The following NCOA3 variants were observed in gnomAD, a reference collection of about 807,000 sequenced individuals.
NCOA3 encodes the protein CBP-interacting protein.
In NCOA3, 51 loss-of-function variants were observed where a neutral mutation model predicts 158.8. That is an observed-to-expected ratio of 0.32 (90% CI 0.26 to 0.41). The LOEUF is 0.41. NCOA3 is among the 10% of genes least tolerant of loss of function. The pLI is 1.00. For synonymous variants in NCOA3, 537 were observed against 592.4 expected (o/e 0.91, Z 1.36); for missense variants, 1,510 against 1,746.6 (o/e 0.86, Z 2.41).
chr20:47,522,460 A>C (rs1408766768), intron 1 of NCOA3, among the ~76,000 whole-genome samples: 1 of 149,948 alleles, frequency 6.7e-6, no homozygotes, highest in Non-Finnish European at 1.5e-5. Context: ...GGCAGAAAGA[A>C]AGGGAGAAGA....
intron 1 of NCOA3, among the ~76,000 whole-genome samples, chr20:47,577,914 A>G (rs1048397910): frequency 2.0e-5 from 3 of 152,194 alleles, no homozygotes; most frequent in Non-Finnish European, 2.9e-5. Flanking sequence ...TTTCTAGTAT[A>G]TATCACAAGA....
At chr20:47,542,011 T>TG in intron 1 of NCOA3, among the ~76,000 whole-genome samples, 1 of 104,830 alleles carries the variant, frequency 9.5e-6, no homozygotes, top group Non-Finnish European at 2.0e-5. Context: ...CCTGTAGAGT[T>TG]TTTTTTTTTT....
chr20:47,635,484 A>G lies in NCOA3; in HGVS notation c.1275A>G (p.Thr425=), dbSNP rs371534742. The change falls in exon 11 of 23, where the codon ACA becomes ACG. Residue 425 remains threonine (T), a synonymous_variant. Coordinates refer to ENST00000371998, the MANE Select transcript of NCOA3 (RefSeq NM_181659.3). ...RAYGLADPST[T]GQMSGARYGG... ...ATGGCTTGGCAGACCCTAGCACCAC[A>G]GGGCAGATGAGTGGAGCTAGGTATG... 6.2e-7 allele frequency: 1 copy of G among 1,614,052 alleles called. No individual in the cohort carries two copies. The highest frequency in any genetic ancestry group is 8.5e-7 in the Non-Finnish European group (1 of 1,179,994).
chr20:47,639,637 C>T lies in NCOA3; in HGVS notation c.2768C>T (p.Pro923Leu). The T allele has an allele frequency of 6.2e-7, 1 of 1,613,852 alleles. No individual in the cohort carries two copies. The highest frequency in any genetic ancestry group is 8.5e-7 in the Non-Finnish European group (1 of 1,179,856). Residue 923 changes from proline (P) to leucine (L), a missense_variant, in exon 15 of 23, where the codon CCA becomes CTA. Coordinates refer to ENST00000371998, the MANE Select transcript of NCOA3 (RefSeq NM_181659.3). ...CCTTCCTCAGGAGACTGGGGCTTAC[C>T]AAACTCAAAGGCCGGCAGAATGGAA... Reference protein sequence around the residue: ...QTPSSGDWGLPNSKAGRMEPM... With the variant: ...QTPSSGDWGLLNSKAGRMEPM...
chr20:47,633,062 T>C (rs1382816758), intron 8 of NCOA3, among the ~76,000 whole-genome samples: 6 of 152,210 alleles, frequency 3.9e-5, no homozygotes, highest in African/African-American at 1.4e-4. Context: ...ATGGAACTAC[T>C]AACAGAAAGT....
At chr20:47,519,314 C>T (rs1052166072) in intron 1 of NCOA3, among the ~76,000 whole-genome samples, 1 of 150,744 alleles carries the variant, frequency 6.6e-6, no homozygotes, top group Admixed American at 6.6e-5. Context: ...TGCCTGTAGT[C>T]CCAGTTACTC....
At chr20:47,591,437 G>T (rs2085638238) in intron 2 of NCOA3, among the ~76,000 whole-genome samples, 1 of 152,206 alleles carries the variant, frequency 6.6e-6, no homozygotes, top group South Asian at 2.1e-4. Context: ...TATAGCATAT[G>T]AGTCCTCAAG....
At chr20:47,600,540 A>G (rs1447018270) in intron 2 of NCOA3, among the ~76,000 whole-genome samples, 1 of 148,728 alleles carries the variant, frequency 6.7e-6, no homozygotes, top group Non-Finnish European at 1.5e-5. Context: ...GTTGGGGGAG[A>G]TGGAGTCTCA....
intron 1 of NCOA3, among the ~76,000 whole-genome samples, chr20:47,576,799 A>T (rs1227326782): frequency 6.6e-6 from 1 of 152,174 alleles, no homozygotes; most frequent in Non-Finnish European, 1.5e-5. Flanking sequence ...TTCTTGTGGA[A>T]CGCCTTCCAC....
intron 1 of NCOA3, among the ~76,000 whole-genome samples, chr20:47,526,020 C>T (rs929754358): frequency 4.0e-5 from 6 of 150,556 alleles, no homozygotes; most frequent in Non-Finnish European, 8.9e-5. Flanking sequence ...GGCTGCTGGG[C>T]GGAGGGGCTC....
rs186946069 is a variant in NCOA3 at position 47,511,093 on chromosome 20, G to A, written c.-99+9074G>A. Among the ~76,000 whole-genome samples the A allele has an allele frequency of 6.6e-4, 100 of 152,010 alleles. 1 individual carries two copies. Among genetic ancestry groups the A allele is most frequent in the African/African-American group, 2.3e-3 (94 of 41,450 alleles). ...CCTCCAAGTGTGCACAATCAATCAG[G>A]TACTCATATCACTTCAGTACAAGGC... On this transcript the variant is annotated intron_variant, in intron 1 of 22. Transcript: ENST00000371998.
chr20:47,636,517 A>G lies in NCOA3; in HGVS notation c.2131A>G (p.Ser711Gly). 6.2e-6 allele frequency: 10 copies of G among 1,614,234 alleles called. No individual in the cohort carries two copies. The highest frequency in any genetic ancestry group is 1.1e-5 in the South Asian group (1 of 91,084). Reference protein sequence around the residue: ...ITAEATGKDTSSITSCGDGNV... With the variant: ...ITAEATGKDTGSITSCGDGNV... The stretch of plus-strand genomic sequence containing the variant: ...TGCAGAAGCCACTGGGAAAGACACC[A>G]GCAGTATAACTTCTTGTGGGGACGG... Residue 711 changes from serine (S) to glycine (G), a missense_variant, in exon 12 of 23, where the codon AGC becomes GGC. By Grantham distance (56) the Ser-to-Gly change is moderately conservative. Coordinates refer to ENST00000371998, the MANE Select transcript of NCOA3 (RefSeq NM_181659.3).
Position 47,633,868 on chromosome 20 carries a change from G to GA in NCOA3, c.965-179dup. Reference sequence around the variant, plus strand: ...TGACTGTAGTTGCTCTCTTGTTGGTGAGGGGTAGGAAAATGATGCCTGAGT... The same window carrying GA: ...TGACTGTAGTTGCTCTCTTGTTGGTGAAGGGGTAGGAAAATGATGCCTGAGT... On this transcript the variant is annotated intron_variant, in intron 9 of 22. Transcript: ENST00000371998. The GA allele has an allele frequency of 1.5e-5, 13 of 841,880 alleles. No individual in the cohort carries two copies. In the South Asian group the frequency reaches 2.4e-4, roughly 15 times the overall value. The allele number at this position is 841,880 out of a possible 1,614,324, so 52.2% of individuals were successfully genotyped here.
rs748530158 is a variant in NCOA3, at chr20:47,651,057, G to A, written c.3727G>A (p.Val1243Met). The A allele has an allele frequency of 1.9e-6, 3 of 1,613,574 alleles. No homozygotes were observed. The Admixed American group carries it at 5.0e-5, about 27-fold the overall frequency. ...LLSHHFRQQR[V>M]AMMMQQQQQQ... ...AAGTCATCACTTCCGACAACAGAGG[G>A]TGGCTATGATGATGCAGCAGCAGCA... Residue 1243 changes from valine (V) to methionine (M), a missense_variant, in exon 20 of 23, where the codon GTG (valine) becomes ATG (methionine). Coordinates refer to ENST00000371998, the MANE Select transcript of NCOA3 (RefSeq NM_181659.3).
intron 2 of NCOA3, among the ~76,000 whole-genome samples, chr20:47,589,500 T>C (rs58169474): frequency 0.14 from 20,636 of 151,960 alleles, 2,014 homozygotes; most frequent in African/African-American, 0.26. Context: ...CCCAGCCTCC[T>C]GAGTAGCTGG....
intron 2 of NCOA3, among the ~76,000 whole-genome samples, chr20:47,609,724 G>A (rs1428311079): frequency 1.4e-4 from 21 of 145,928 alleles, no homozygotes; most frequent in Admixed American, 2.7e-4. Flanking sequence ...GCGAGACTCC[G>A]TCTCAAAAAA....
At chr20:47,533,835 A>C (rs1042294518) in intron 1 of NCOA3, among the ~76,000 whole-genome samples, 4 of 152,162 alleles carry the variant, frequency 2.6e-5, no homozygotes, top group African/African-American at 9.7e-5. Context: ...CTGAGCTGGG[A>C]GGATTGCTTG....
chr20:47,590,860 A>G (rs2085622083), intron 2 of NCOA3, among the ~76,000 whole-genome samples: 2 of 152,182 alleles, frequency 1.3e-5, no homozygotes, highest in Non-Finnish European at 2.9e-5. Context: ...CTGTAGTCCC[A>G]GCACTTTGGG....
Position 47,633,490 on chromosome 20 carries a change from T to C in NCOA3, c.824-6T>C. 6.3e-7 allele frequency: 1 copy of C among 1,598,960 alleles called. No individual in the cohort carries two copies. The highest frequency in any genetic ancestry group is 8.5e-7 in the Non-Finnish European group (1 of 1,175,600). Reference sequence around the variant, plus strand: ...TAAGTCTTTTTTTCCTTTTTTTGTTTAATAGGAAAGGTTGTCAATATAGAT... The same window carrying C: ...TAAGTCTTTTTTTCCTTTTTTTGTTCAATAGGAAAGGTTGTCAATATAGAT... On this transcript the variant is annotated splice_region_variant and splice_polypyrimidine_tract_variant and intron_variant, in intron 8 of 22. Transcript: ENST00000371998.
Sources: gnomAD v4.1 joint callset for allele counts (sites outside exome capture counted in the v4.1 genomes callset) on GRCh38, gnomAD v4.1.1 for gene constraint, MANE v1.5 for transcripts, NCBI Gene and HGNC (gene_info 2026-07-23, HGNC 2026-07-21) for gene names.